SYNDIG1: variants seen among roughly 807,000 people sequenced by gnomAD.
SYNDIG1 encodes the protein synapse differentiation-inducing gene protein 1.
In SYNDIG1, 9 loss-of-function variants were observed where a neutral mutation model predicts 19.4. The ratio of observed to expected loss-of-function variants is 0.46; its 90% CI spans 0.28 to 0.81. The LOEUF is 0.81. Ranked by LOEUF, SYNDIG1 falls within the 30% of genes least tolerant of loss-of-function variation. The probability of loss-of-function intolerance (pLI) is 0.12; values close to 1 mark genes in which losing one functional copy is unlikely to be tolerated. For missense variants in SYNDIG1, 311 were observed against 343.3 expected, an observed-to-expected ratio of 0.91 and a Z score of 0.74; for synonymous variants, 141 against 145.9, an observed-to-expected ratio of 0.97 and a Z score of 0.24.
intron 3 of SYNDIG1, among the ~76,000 whole-genome samples, chr20:24,645,983 T>C (rs1156847592): frequency 6.6e-6 from 1 of 152,128 alleles, no homozygotes; most frequent in East Asian, 1.9e-4. Context: ...GGGAATGTGA[T>C]CATGTAACCT....
intron 1 of SYNDIG1, among the ~76,000 whole-genome samples, chr20:24,475,907 C>A (rs1309131400): frequency 6.6e-6 from 1 of 151,214 alleles, no homozygotes; most frequent in Non-Finnish European, 1.5e-5. Context: ...ATCACCCAGG[C>A]TGGAGTGCAG....
chr20:24,546,220 C>A (rs116097807), intron 2 of SYNDIG1, among the ~76,000 whole-genome samples: 3,560 of 152,350 alleles, frequency 0.023, 156 homozygotes, highest in African/African-American at 0.081. Flanking sequence ...TAACAAAATA[C>A]TAATGACTGG....
At chr20:24,522,206 G>A (rs2057020410) in intron 1 of SYNDIG1, among the ~76,000 whole-genome samples, 1 of 152,028 alleles carries the variant, frequency 6.6e-6, no homozygotes, top group Non-Finnish European at 1.5e-5. Context: ...TCAGCTTCCT[G>A]CCTTAGTCTC....
At chr20:24,525,865 A>G (rs916824228) in intron 1 of SYNDIG1, among the ~76,000 whole-genome samples, 1 of 152,214 alleles carries the variant, frequency 6.6e-6, no homozygotes, top group African/African-American at 2.4e-5. Flanking sequence ...CATTATCCCC[A>G]TAATTCTATA....
At chr20:24,557,846 G>A (rs2057856561) in intron 2 of SYNDIG1, among the ~76,000 whole-genome samples, 1 of 152,124 alleles carries the variant, frequency 6.6e-6, no homozygotes, top group Admixed American at 6.5e-5. Flanking sequence ...AGCTCAGATG[G>A]AAATGCAGAA....
intron 3 of SYNDIG1, 63 bp downstream of exon 3, chr20:24,585,056 G>GC: frequency 2.0e-5 from 11 of 545,650 alleles, no homozygotes; most frequent in Non-Finnish European, 3.8e-5. Context: ...GGTGGGGGCG[G>GC]CAATCCCAGC....
At chr20:24,560,878 A>AC (rs542668694) in intron 2 of SYNDIG1, among the ~76,000 whole-genome samples, 79 of 151,436 alleles carry the variant, frequency 5.2e-4, no homozygotes, top group African/African-American at 1.5e-3. Flanking sequence ...TAAAAAACAA[A>AC]AAAAAAAAAG....
chr20:24,547,797 T>C (rs1669798502), intron 2 of SYNDIG1, among the ~76,000 whole-genome samples: 1 of 152,182 alleles, frequency 6.6e-6, no homozygotes, highest in Non-Finnish European at 1.5e-5. Flanking sequence ...GGACAAGTAA[T>C]GAAGTAGGTC....
chr20:24,657,019 C>G (rs987808105), intron 3 of SYNDIG1, among the ~76,000 whole-genome samples: 10 of 152,226 alleles, frequency 6.6e-5, no homozygotes, highest in African/African-American at 2.4e-4. Flanking sequence ...GGCCCTGTCA[C>G]AGGCTTGCTC....
intron 1 of SYNDIG1, among the ~76,000 whole-genome samples, chr20:24,526,568 T>TAG (rs1473539691): frequency 6.6e-6 from 1 of 152,030 alleles, no homozygotes. Context: ...TTTATATATA[T>TAG]AGAGAGAGAG....
intron 1 of SYNDIG1, among the ~76,000 whole-genome samples, chr20:24,479,336 T>G (rs910758253): frequency 6.6e-6 from 1 of 152,122 alleles, no homozygotes; most frequent in African/African-American, 2.4e-5. Context: ...TTTGTCAGAA[T>G]GGAGTGGCCC....
chr20:24,511,859 G>A (rs1181447853), intron 1 of SYNDIG1, among the ~76,000 whole-genome samples: 1 of 152,118 alleles, frequency 6.6e-6, no homozygotes, highest in Middle Eastern at 3.4e-3. Flanking sequence ...TATGACGTCT[G>A]TCTTTCAGCA....
intron 1 of SYNDIG1, among the ~76,000 whole-genome samples, chr20:24,532,619 G>A (rs1268508419): frequency 6.6e-6 from 1 of 152,150 alleles, no homozygotes; most frequent in African/African-American, 2.4e-5. Flanking sequence ...TTTCAGTAAA[G>A]CAATTATTTT....
At chr20:24,632,235 TTTTTA>T (rs570091218) in intron 3 of SYNDIG1, among the ~76,000 whole-genome samples, 141 of 152,322 alleles carry the variant, frequency 9.3e-4, no homozygotes, top group Middle Eastern at 3.4e-3. Flanking sequence ...CGTAATTTAC[TTTTTA>T]TTTTATTTTA....
At chr20:24,577,327 AG>A (rs1172720334) in intron 2 of SYNDIG1, among the ~76,000 whole-genome samples, 1 of 152,198 alleles carries the variant, frequency 6.6e-6, no homozygotes, top group Non-Finnish European at 1.5e-5. Context: ...CATGGGCAGA[AG>A]GGGTCGGGTC....
intron 3 of SYNDIG1, among the ~76,000 whole-genome samples, chr20:24,656,324 GGA>G (rs2059525522): frequency 6.6e-6 from 1 of 152,226 alleles, no homozygotes; most frequent in African/African-American, 2.4e-5. Flanking sequence ...TGACGAATAA[GGA>G]GAGTGACAGT....
At chr20:24,505,405 G>A (rs963922218) in intron 1 of SYNDIG1, among the ~76,000 whole-genome samples, 2 of 152,114 alleles carry the variant, frequency 1.3e-5, no homozygotes, top group East Asian at 3.9e-4. Flanking sequence ...CCCCCTCAGC[G>A]GGGAAGAGGG....
In SYNDIG1 at chr20:24,501,247, T is replaced by C. The variant is rs114486371; in HGVS notation, c.-79+31494T>C. Among the ~76,000 whole-genome samples the C allele has an allele frequency of 8.7e-4, 132 of 152,342 alleles. 1 individual carries two copies. The highest frequency in any genetic ancestry group is 3.0e-3 in the African/African-American group (125 of 41,582). On this transcript the variant is annotated intron_variant, in intron 1 of 3. Coordinates refer to ENST00000376862, the MANE Select transcript of SYNDIG1 (RefSeq NM_024893.3). ...GCTTTGCAGATTGTACTTCTACTTA[T>C]AATCTACTAAAACTCTTGAAGATGG...
At chr20:24,476,053 G>T (rs562786218) in intron 1 of SYNDIG1, among the ~76,000 whole-genome samples, 1 of 152,038 alleles carries the variant, frequency 6.6e-6, no homozygotes, top group South Asian at 2.1e-4. Flanking sequence ...TAGAGTCGTG[G>T]TTTCACCCTG....
Sources: allele counts gnomAD v4.1 joint callset (sites outside exome capture counted in the v4.1 genomes callset), GRCh38; gene constraint gnomAD v4.1.1; transcripts MANE v1.5; gene names NCBI Gene and HGNC (gene_info 2026-07-23, HGNC 2026-07-21).